CEP57L1: variants seen among roughly 807,000 people sequenced by gnomAD.
CEP57L1 encodes the protein centrosomal protein 57 like 1.
Under a neutral mutation model 61.0 loss-of-function variants are expected in CEP57L1, and 37 were observed. That is an observed-to-expected ratio of 0.61 (90% CI 0.47 to 0.80). The LOEUF is 0.80. Ranked by LOEUF, CEP57L1 falls within the 30% of genes least tolerant of loss-of-function variation. The probability of loss-of-function intolerance (pLI) is 0.00; values close to 1 mark genes in which losing one functional copy is unlikely to be tolerated. For synonymous variants in CEP57L1, 137 were observed against 162.3 expected, an observed-to-expected ratio of 0.84 and a Z score of 1.19; for missense variants, 422 against 524.7, an observed-to-expected ratio of 0.80 and a Z score of 1.91.
intron 1 of CEP57L1, among the ~76,000 whole-genome samples, chr6:109,138,074 A>G (rs1034319731): frequency 4.6e-5 from 7 of 152,194 alleles, no homozygotes; most frequent in South Asian, 2.1e-4. Flanking sequence ...GGGGAGGACA[A>G]TGTGGGGCTA....
intron 1 of CEP57L1, among the ~76,000 whole-genome samples, chr6:109,144,604 T>C (rs1771761055): frequency 6.6e-6 from 1 of 152,022 alleles, no homozygotes; most frequent in South Asian, 2.1e-4. Context: ...AACAACAAAA[T>C]AAAAACCAGA....
intron 1 of CEP57L1, among the ~76,000 whole-genome samples, chr6:109,102,356 A>T (rs1770411440): frequency 6.6e-6 from 1 of 152,186 alleles, no homozygotes; most frequent in Non-Finnish European, 1.5e-5. Context: ...CTCCACGCTC[A>T]GCTTACTATT....
In CEP57L1 at chr6:109,174,099, C is replaced by CAAAAAAAAAAAAA. The variant is rs1298260523; in HGVS notation, c.*11132_*11144dup. Among the ~76,000 whole-genome samples, 1 of 81,906 alleles carries CAAAAAAAAAAAAA rather than the reference C, an allele frequency of 1.2e-5. No individual in the cohort carries two copies. The highest frequency in any genetic ancestry group is 4.8e-5 in the African/African-American group (1 of 20,852). The allele number at this position is 81,906 out of a possible 152,430, so 53.7% of individuals were successfully genotyped here. On this transcript the variant is annotated 3_prime_UTR_variant, in exon 11 of 11. Coordinates refer to ENST00000517392, the MANE Select transcript of CEP57L1 (RefSeq NM_001271852.3). ...TGAGCCATAGAGTGAGTCTTGGTCTCAAAAAAAAAAAAAAACCTTGTGTTG... is the reference window on the plus strand; with the variant it reads ...TGAGCCATAGAGTGAGTCTTGGTCTCAAAAAAAAAAAAAAAAAAAAAAAAAAAACCTTGTGTTG...
chr6:109,135,493 CAT>C (rs1774758057), intron 1 of CEP57L1, among the ~76,000 whole-genome samples: 1 of 152,178 alleles, frequency 6.6e-6, no homozygotes, highest in African/African-American at 2.4e-5. Context: ...CCATTCAGGA[CAT>C]AGGCATGGGC....
At chr6:109,113,082 G>A (rs945573259) in intron 1 of CEP57L1, among the ~76,000 whole-genome samples, 6 of 152,054 alleles carry the variant, frequency 3.9e-5, no homozygotes, top group African/African-American at 9.7e-5. Context: ...TGTCTATCCC[G>A]TTGATCTGTC....
At chr6:109,129,971 A>G (rs1273799011) in intron 1 of CEP57L1, among the ~76,000 whole-genome samples, 1 of 152,162 alleles carries the variant, frequency 6.6e-6, no homozygotes, top group Non-Finnish European at 1.5e-5. Context: ...ATTTCAGATT[A>G]TTTCTGATTA....
intron 1 of CEP57L1, among the ~76,000 whole-genome samples, chr6:109,124,109 C>G (rs927810095): frequency 3.3e-5 from 5 of 151,692 alleles, no homozygotes; most frequent in African/African-American, 1.2e-4. Flanking sequence ...ATTGCCTTAT[C>G]ATCTCTCACA....
Position 109,165,414 on chromosome 6 carries a change from CA to C in CEP57L1, c.*2460del, listed in dbSNP as rs75804779. 0.15 allele frequency among the ~76,000 whole-genome samples: 16,394 copies of C among 108,426 alleles called. 834 individuals carry two copies. Among genetic ancestry groups the C allele is most frequent in the Middle Eastern group, 0.31 (58 of 190 alleles). The allele number at this position is 108,426 out of a possible 152,430, so 71.1% of individuals were successfully genotyped here. ...ATAAATATTTTTTGAATCTGAGTGGCAAAAAAAAAAAAAAAATGTAGAACAC... is the reference window on the plus strand; with the variant it reads ...ATAAATATTTTTTGAATCTGAGTGGCAAAAAAAAAAAAAAATGTAGAACAC... On this transcript the variant is annotated 3_prime_UTR_variant, in exon 11 of 11. Coordinates refer to ENST00000517392, the MANE Select transcript of CEP57L1 (RefSeq NM_001271852.3).
chr6:109,133,956 C>G (rs375136964), intron 1 of CEP57L1, among the ~76,000 whole-genome samples: 5 of 152,202 alleles, frequency 3.3e-5, no homozygotes, highest in African/African-American at 1.2e-4. Context: ...GGACCAGATG[C>G]ATTCACAGCC....
At chr6:109,125,534 T>TA (rs397783892) in intron 1 of CEP57L1, among the ~76,000 whole-genome samples, 20 of 145,846 alleles carry the variant, frequency 1.4e-4, no homozygotes, top group Non-Finnish European at 2.4e-4. Context: ...ATTTTTTTTT[T>TA]AACCAGTTTC....
chr6:109,141,880 C>T (rs1771424277), intron 1 of CEP57L1, among the ~76,000 whole-genome samples: 1 of 152,158 alleles, frequency 6.6e-6, no homozygotes, highest in African/African-American at 2.4e-5. Flanking sequence ...TCTTCAGTTT[C>T]TCTAAGGAAA....
Position 109,168,992 on chromosome 6 carries a change from G to A in CEP57L1, c.*6022G>A, listed in dbSNP as rs1446300651. Reference sequence around the variant, plus strand: ...TAAAATCTTAACACTTTAGGAGGCCGAGGCGGGCAGATTGCCTGAGCTCAG... The same window carrying A: ...TAAAATCTTAACACTTTAGGAGGCCAAGGCGGGCAGATTGCCTGAGCTCAG... On this transcript the variant is annotated 3_prime_UTR_variant, in exon 11 of 11. Coordinates refer to ENST00000517392, the MANE Select transcript of CEP57L1 (RefSeq NM_001271852.3). 1.3e-5 allele frequency among the ~76,000 whole-genome samples: 2 copies of A among 151,418 alleles called. No homozygotes were observed. The highest frequency in any genetic ancestry group is 2.4e-5 in the African/African-American group (1 of 41,312).
At chr6:109,147,310 A>AAT (rs1226053525) in intron 3 of CEP57L1, among the ~76,000 whole-genome samples, 2 of 152,082 alleles carry the variant, frequency 1.3e-5, no homozygotes, top group Non-Finnish European at 2.9e-5. Flanking sequence ...TAGAATTTGA[A>AAT]ATACAGAACA....
intron 1 of CEP57L1, among the ~76,000 whole-genome samples, chr6:109,121,818 A>G (rs1022241959): frequency 2.0e-5 from 3 of 152,226 alleles, no homozygotes; most frequent in Non-Finnish European, 4.4e-5. Context: ...ATGGAAAGGG[A>G]AACAATTTTA....
chr6:109,168,717 T>C lies in CEP57L1; in HGVS notation c.*5747T>C, dbSNP rs1374891837. Reference sequence around the variant, plus strand: ...TTCAAGCAATTCTCCTGCCTCAGCCTCCCAAGTAGCTGGGATTATAGGTGT... The same window carrying C: ...TTCAAGCAATTCTCCTGCCTCAGCCCCCCAAGTAGCTGGGATTATAGGTGT... On this transcript the variant is annotated 3_prime_UTR_variant, in exon 11 of 11. Coordinates refer to ENST00000517392, the MANE Select transcript of CEP57L1 (RefSeq NM_001271852.3). 6.7e-6 allele frequency among the ~76,000 whole-genome samples: 1 copy of C among 148,892 alleles called. No individual in the cohort carries two copies.
chr6:109,134,733 A>G (rs1774624009), intron 1 of CEP57L1, among the ~76,000 whole-genome samples: 1 of 152,212 alleles, frequency 6.6e-6, no homozygotes, highest in Admixed American at 6.5e-5. Context: ...TACAAAATCA[A>G]TGTGCAAAAA....
chr6:109,154,025 A>C (rs1772956949), intron 5 of CEP57L1, 76 bp downstream of exon 5: 1 of 780,096 alleles, frequency 1.3e-6, no homozygotes, highest in Admixed American at 2.5e-5. Context: ...ATGTGAATGT[A>C]GAGTAAATCT....
rs113642298 is a variant in CEP57L1 at position 109,097,112 on chromosome 6, G to T, written c.-4+1537G>T. Among the ~76,000 whole-genome samples, 351 of 152,240 alleles carry T rather than the reference G, an allele frequency of 2.3e-3. 1 individual carries two copies. The highest frequency in any genetic ancestry group is 8.1e-3 in the African/African-American group (338 of 41,548). ...AAAGGACACTACTATCCATCTACTT[G>T]TGAAAATTTGAAAGCTAAACATTAT... is the stretch of plus-strand genomic sequence containing the variant. On this transcript the variant is annotated intron_variant, in intron 1 of 10. Transcript: ENST00000517392.
At chr6:109,119,123 A>T (rs1772648371) in intron 1 of CEP57L1, among the ~76,000 whole-genome samples, 1 of 152,170 alleles carries the variant, frequency 6.6e-6, no homozygotes, top group African/African-American at 2.4e-5. Flanking sequence ...GAACATTAGA[A>T]ACGTGTTCAC....
Sources: gnomAD v4.1 joint callset for allele counts (sites outside exome capture counted in the v4.1 genomes callset) on GRCh38, gnomAD v4.1.1 for gene constraint, MANE v1.5 for transcripts, NCBI Gene and HGNC (gene_info 2026-07-23, HGNC 2026-07-21) for gene names.